DSC2: variants seen among roughly 807,000 people sequenced by gnomAD.
DSC2 encodes desmocollin-2.
Under a neutral mutation model 87.6 loss-of-function variants are expected in DSC2, and 51 were observed. The observed-to-expected ratio is 0.58, with a 90% CI of 0.46 to 0.74. The LOEUF (loss-of-function observed/expected upper bound fraction) is 0.74. Ranked by LOEUF, DSC2 falls within the 30% of genes least tolerant of loss-of-function variation. DSC2 has a pLI of 0.00. For synonymous variants in DSC2, 383 were observed against 393.2 expected (o/e 0.97, Z 0.31); for missense variants, 1,066 against 1,089.5 (o/e 0.98, Z 0.30).
In DSC2 at chr18:31,086,756, G is replaced by A; in HGVS notation, c.776-14C>T. The stretch of plus-strand genomic sequence containing the variant: ...CCACAGTAGTGCCTAGAGAAGAAAA[G>A]TCCTTTTTAATCTCCAAAACATTCA... On this transcript the variant is annotated splice_polypyrimidine_tract_variant and intron_variant, in intron 6 of 15. Coordinates refer to ENST00000280904, the MANE Select transcript of DSC2 (RefSeq NM_024422.6). 1 of 1,612,554 alleles carries A rather than the reference G, an allele frequency of 6.2e-7. No individual in the cohort carries two copies. Among genetic ancestry groups the A allele is most frequent in the Non-Finnish European group, 8.5e-7 (1 of 1,179,176 alleles).
At chr18:31,072,726 A>C (rs1986875148) in intron 12 of DSC2, among the ~76,000 whole-genome samples, 2 of 152,212 alleles carry the variant, frequency 1.3e-5, no homozygotes, top group South Asian at 4.1e-4. Flanking sequence ...GTCCCATAGA[A>C]TAATCCCTCT....
chr18:31,082,643 T>C (rs774748020), intron 8 of DSC2, among the ~76,000 whole-genome samples: 6 of 152,186 alleles, frequency 3.9e-5, no homozygotes, highest in Non-Finnish European at 7.4e-5. Flanking sequence ...CTGCAACCTC[T>C]GCCTTCCACG....
chr18:31,101,382 G>T (rs1987943610), intron 1 of DSC2: 3 of 680,036 alleles, frequency 4.4e-6, no homozygotes, highest in South Asian at 1.3e-4. Flanking sequence ...GCCGCCCAGC[G>T]GTTCCCCTTT....
At position 31,069,089 on chromosome 18, in the gene DSC2, G is replaced by A. The variant is rs778571921; in HGVS notation, c.2313C>T (p.Thr771=). The change falls in exon 15 of 16, where the codon ACC becomes ACT. Residue 771 remains threonine, a synonymous_variant. Coordinates refer to ENST00000280904, the MANE Select transcript of DSC2 (RefSeq NM_024422.6). The part of the protein sequence containing the change: ...VGASAQGVCG[T]VGSGIKNGGQ... ...CTCCGTTTTTGATTCCTGATCCCAC[G>A]GTGCCACAAACTCCCTGAGCAGAAG... 2.2e-5 allele frequency: 35 copies of A among 1,613,926 alleles called. No homozygotes were observed. The highest frequency in any genetic ancestry group is 3.3e-5 in the South Asian group (3 of 91,078).
Position 31,067,917 on chromosome 18 carries a change from C to A in DSC2, c.*98G>T. On this transcript the variant is annotated 3_prime_UTR_variant, in exon 16 of 16. Transcript: ENST00000280904. ...TCCATCCAAATAATGAGAGAAAAAC[C>A]CCCACAAATAGCATCTTCTGCTTTA... 1 of 1,088,472 alleles carries A rather than the reference C, an allele frequency of 9.2e-7. No homozygotes were observed. The highest frequency in any genetic ancestry group is 2.6e-5 in the East Asian group (1 of 39,196). 67.4% of individuals were successfully genotyped at this position (1,088,472 alleles called of 1,614,324 possible). A position where few individuals can be genotyped will look rare whatever the true frequency, so the allele number is the denominator to read the frequency against.
At chr18:31,082,203 T>C in intron 9 of DSC2, 35 bp downstream of exon 9, 2 of 1,576,976 alleles carry the variant, frequency 1.3e-6, no homozygotes, top group Non-Finnish European at 1.7e-6. Flanking sequence ...TCTATGATAT[T>C]ATAAACTACA....
At position 31,089,534 on chromosome 18, in the gene DSC2, C is replaced by T; in HGVS notation, c.535G>A (p.Asp179Asn). ...IYYSIRGPGV[D>N]QEPRNLFYVE... ...TAAAATAAATTCCGAGGTTCTTGGT[C>T]AACTCCAGGACCTCTTATGGAATAG... Residue 179 changes from aspartate (D) to asparagine (N), a missense_variant, in exon 5 of 16, where the codon GAC (aspartate) becomes AAC (asparagine). Coordinates refer to ENST00000280904, the MANE Select transcript of DSC2 (RefSeq NM_024422.6). 6.2e-7 allele frequency: 1 copy of T among 1,613,934 alleles called. No homozygotes were observed. Among genetic ancestry groups the T allele is most frequent in the Non-Finnish European group, 8.5e-7 (1 of 1,179,950 alleles).
Position 31,087,782 on chromosome 18 carries a change from T to C in DSC2, c.662A>G (p.Tyr221Cys), listed in dbSNP as rs1265924444. The C allele has an allele frequency of 1.2e-6, 2 of 1,613,848 alleles. No homozygotes were observed. Among genetic ancestry groups the C allele is most frequent in the East Asian group, 2.2e-5 (1 of 44,858 alleles). ...TAGGGGCAGTGGAAGTTCTGGAGTA[T>C]ACCCATCTGGAGTTGTTGCAAAGGC... is the stretch of plus-strand genomic sequence containing the variant. ...IIAFATTPDG[Y>C]TPELPLPLII... is the part of the protein sequence containing the mutation. The change falls in exon 6 of 16, where the codon TAT (tyrosine) becomes TGT (cysteine). Residue 221 changes from tyrosine (Y) to cysteine (C), a missense_variant. By Grantham distance (194) the Tyr-to-Cys change is radical. Transcript: ENST00000280904.
intron 1 of DSC2, among the ~76,000 whole-genome samples, chr18:31,098,552 T>C (rs566408895): frequency 6.6e-6 from 1 of 152,214 alleles, no homozygotes; most frequent in Admixed American, 6.5e-5. Context: ...CCTCCCGGGT[T>C]CAAGTGATCC....
At chr18:31,093,732 T>A (rs756757231) in intron 1 of DSC2, 89 bp from the exon 2 acceptor site, 7 of 567,030 alleles carry the variant, frequency 1.2e-5, no homozygotes, top group Non-Finnish European at 1.7e-5. Context: ...AAATTTATAA[T>A]GATATACACA....
chr18:31,073,288 T>TA (rs1224159861), intron 12 of DSC2, among the ~76,000 whole-genome samples: 4 of 151,084 alleles, frequency 2.6e-5, no homozygotes, highest in African/African-American at 9.7e-5. Flanking sequence ...TGACACCAAA[T>TA]AAGTAGAAAA....
rs1987992214 is a variant in DSC2 at position 31,102,207 on chromosome 18, G to C, written c.-236C>G. On this transcript the variant is annotated 5_prime_UTR_variant, in exon 1 of 16. In the 5' UTR this introduces an upstream ATG that the reference lacks. Coordinates refer to ENST00000280904, the MANE Select transcript of DSC2 (RefSeq NM_024422.6). ...GCTCCAGACGCGTCCAAAAGACACC[G>C]ATCGGCCCCTCCTTGTTGTCTATTT... The C allele has an allele frequency of 6.8e-6, 3 of 441,866 alleles. No individual in the cohort carries two copies. Among genetic ancestry groups the C allele is most frequent in the Non-Finnish European group, 1.2e-5 (3 of 254,242 alleles). The allele number at this position is 441,866 out of a possible 1,614,324, so 27.4% of individuals were successfully genotyped here.
rs1986574663 is a variant in DSC2 at position 31,064,801 on chromosome 18, C to A, written c.*3214G>T. 1 of 152,044 alleles carries A rather than the reference C, an allele frequency of 6.6e-6. No individual in the cohort carries two copies. The highest frequency in any genetic ancestry group is 1.5e-5 in the Non-Finnish European group (1 of 68,018). The allele number at this position is 152,044 out of a possible 1,614,324, so 9.4% of individuals were successfully genotyped here. ...TATTTTGGAGATGATACTAAAGGGG[C>A]TGATCAGAGCAAAGTCAGTTGTCAA... On this transcript the variant is annotated 3_prime_UTR_variant, in exon 16 of 16. Coordinates refer to ENST00000280904, the MANE Select transcript of DSC2 (RefSeq NM_024422.6).
rs1043589596 is a variant in DSC2 at position 31,062,464 on chromosome 18, A to G, written c.*5551T>C. On this transcript the variant is annotated 3_prime_UTR_variant, in exon 16 of 16. Coordinates refer to ENST00000280904, the MANE Select transcript of DSC2 (RefSeq NM_024422.6). ...ATGATGAAGTGACAGTCGCAAACAT[A>G]ATTTTCACATTGGCTAAAAATTTTC... The G allele has an allele frequency of 3.9e-5, 6 of 152,180 alleles. No homozygotes were observed. Among genetic ancestry groups the G allele is most frequent in the African/African-American group, 1.4e-4 (6 of 41,432 alleles). The allele number at this position is 152,180 out of a possible 1,614,324, so 9.4% of individuals were successfully genotyped here.
At position 31,102,051 on chromosome 18, in the gene DSC2, G is replaced by A; in HGVS notation, c.-80C>T. Reference sequence around the variant, plus strand: ...CCGCGGGGCGAGGGCCGCGGCCGGAGCGCAGTCTGGGCCCGCTGCTCAGGA... The same window carrying A: ...CCGCGGGGCGAGGGCCGCGGCCGGAACGCAGTCTGGGCCCGCTGCTCAGGA... On this transcript the variant is annotated 5_prime_UTR_variant, in exon 1 of 16. Transcript: ENST00000280904. 8.0e-7 allele frequency: 1 copy of A among 1,248,930 alleles called. No homozygotes were observed. The allele number at this position is 1,248,930 out of a possible 1,614,324, so 77.4% of individuals were successfully genotyped here. A position where few individuals can be genotyped will look rare whatever the true frequency, so the allele number is the denominator to read the frequency against.
chr18:31,079,167 T>C (rs1034176730), intron 11 of DSC2, among the ~76,000 whole-genome samples: 1 of 152,198 alleles, frequency 6.6e-6, no homozygotes, highest in Non-Finnish European at 1.5e-5. Flanking sequence ...TATGTAAGTA[T>C]GTTCTCACTT....
intron 7 of DSC2, among the ~76,000 whole-genome samples, chr18:31,086,334 CTG>C (rs1017230747): frequency 6.6e-5 from 10 of 152,070 alleles, no homozygotes; most frequent in African/African-American, 2.4e-4. Flanking sequence ...TGTTTTAATA[CTG>C]TAAATATGTT....
rs115764945 is a variant in DSC2, at chr18:31,098,257, T to A, written c.69+3646A>T. 9.8e-3 allele frequency among the ~76,000 whole-genome samples: 1,498 copies of A among 152,284 alleles called. 38 individuals carry two copies. Among genetic ancestry groups the A allele is most frequent in the African/African-American group, 0.034 (1,417 of 41,534 alleles). ...TATATAACAATTTATTACGTTTTCT[T>A]CTATTATCTGTAGGGAAACATATTT... On this transcript the variant is annotated intron_variant, in intron 1 of 15. Coordinates refer to ENST00000280904, the MANE Select transcript of DSC2 (RefSeq NM_024422.6).
intron 4 of DSC2, 49 bp from the exon 5 acceptor site, chr18:31,089,643 G>A: frequency 7.1e-6 from 11 of 1,555,520 alleles, no homozygotes; most frequent in Non-Finnish European, 9.7e-6. Context: ...TTTCAGCAGA[G>A]CTTTCATCTA....
Sources: gnomAD v4.1 joint callset for allele counts (sites outside exome capture counted in the v4.1 genomes callset) on GRCh38, gnomAD v4.1.1 for gene constraint, MANE v1.5 for transcripts, NCBI Gene and HGNC (gene_info 2026-07-23, HGNC 2026-07-21) for gene names.